PARD3: variants seen among roughly 807,000 people sequenced by gnomAD.
PARD3 encodes the protein partitioning defective 3 homolog.
In PARD3, 75 loss-of-function variants were observed where a neutral mutation model predicts 155.4. The observed-to-expected ratio is 0.48, with a 90% CI of 0.40 to 0.58. PARD3 has a LOEUF of 0.58. PARD3 is among the 20% of genes least tolerant of loss of function. The probability of loss-of-function intolerance (pLI) is 0.00; values close to 1 mark genes in which losing one functional copy is unlikely to be tolerated. For synonymous variants in PARD3, 576 were observed against 610.5 expected (o/e 0.94, Z 0.83); for missense variants, 1,642 against 1,721.7 (o/e 0.95, Z 0.82).
chr10:34,382,481 C>T, intron 9 of PARD3, 59 bp downstream of exon 9: 1 of 1,535,278 alleles, frequency 6.5e-7, no homozygotes, highest in Non-Finnish European at 8.8e-7. Flanking sequence ...CCATTTCTAC[C>T]CTTGTGTGTT....
intron 2 of PARD3, among the ~76,000 whole-genome samples, chr10:34,548,739 T>A (rs989398217): frequency 2.0e-5 from 3 of 151,854 alleles, no homozygotes; most frequent in Non-Finnish European, 1.5e-5. Flanking sequence ...AGGAACTAAA[T>A]AAAAGGGCCA....
intron 15 of PARD3, chr10:34,346,568 A>G (rs1288613739): frequency 3.1e-5 from 37 of 1,190,474 alleles, no homozygotes; most frequent in Non-Finnish European, 3.8e-5. Context: ...TAATTTAACA[A>G]AGATAAAGAT....
intron 2 of PARD3, among the ~76,000 whole-genome samples, chr10:34,645,135 G>C (rs1220302749): frequency 6.6e-6 from 1 of 152,106 alleles, no homozygotes; most frequent in African/African-American, 2.4e-5. Flanking sequence ...TTACAGGCAT[G>C]AGCCATCACA....
rs1047375686 is a variant in PARD3 at position 34,723,901 on chromosome 10, G to C, written c.121-27482C>G. Among the ~76,000 whole-genome samples, 4 of 152,298 alleles carry C rather than the reference G, an allele frequency of 2.6e-5. No homozygotes were observed. The South Asian group carries it at 8.3e-4, about 32-fold the overall frequency. On this transcript the variant is annotated intron_variant, in intron 1 of 24. Coordinates refer to ENST00000374788, the MANE Select transcript of PARD3 (RefSeq NM_001184785.2). The stretch of plus-strand genomic sequence containing the variant: ...AGTGGAAGGGTGCCGCAGGCTGGGA[G>C]CTGGGCTCCTTTCACTTTCCAGTTT...
chr10:34,776,551 ATTT>A (rs753285825), intron 1 of PARD3, among the ~76,000 whole-genome samples: 4 of 142,950 alleles, frequency 2.8e-5, no homozygotes, highest in South Asian at 2.3e-4. Flanking sequence ...TTCTTGAACA[ATTT>A]TTTTTTTTTT....
intron 22 of PARD3, among the ~76,000 whole-genome samples, chr10:34,257,525 G>C (rs984667657): frequency 6.6e-6 from 1 of 152,176 alleles, no homozygotes; most frequent in Non-Finnish European, 1.5e-5. Flanking sequence ...AGGAGATTTT[G>C]ATCATGGAAT....
At chr10:34,402,546 G>T (rs973891561) in intron 5 of PARD3, among the ~76,000 whole-genome samples, 1 of 152,122 alleles carries the variant, frequency 6.6e-6, no homozygotes, top group South Asian at 2.1e-4. Context: ...AGGTATTAAG[G>T]TCTTAGCCAT....
At chr10:34,192,845 G>A (rs1300055689) in intron 22 of PARD3, among the ~76,000 whole-genome samples, 1 of 152,166 alleles carries the variant, frequency 6.6e-6, no homozygotes, top group Non-Finnish European at 1.5e-5. Flanking sequence ...GATAGAAATA[G>A]TGATCCACAC....
chr10:34,789,658 AGCACCACTGCACTCT>A (rs1841408264), intron 1 of PARD3, among the ~76,000 whole-genome samples: 1 of 152,128 alleles, frequency 6.6e-6, no homozygotes, highest in Non-Finnish European at 1.5e-5. Flanking sequence ...GAGCTCTGAT[AGCACCACTGCACTCT>A]AACCTGGGCA....
chr10:34,352,567 C>T (rs1353200711), intron 14 of PARD3, among the ~76,000 whole-genome samples: 1 of 152,238 alleles, frequency 6.6e-6, no homozygotes, highest in African/African-American at 2.4e-5. Context: ...GGCTGGTCTC[C>T]AGCTCCTGAC....
intron 2 of PARD3, among the ~76,000 whole-genome samples, chr10:34,533,283 G>A (rs1342529115): frequency 6.6e-6 from 1 of 151,928 alleles, no homozygotes; most frequent in African/African-American, 2.4e-5. Flanking sequence ...AGAAGAGGGA[G>A]GAAGGGAAAA....
intron 1 of PARD3, among the ~76,000 whole-genome samples, chr10:34,757,604 G>A (rs761334935): frequency 6.6e-5 from 10 of 151,980 alleles, no homozygotes; most frequent in East Asian, 1.9e-4. Flanking sequence ...CCAGCTACTC[G>A]GGAGGCTGAG....
At chr10:34,471,806 G>A (rs555831909) in intron 3 of PARD3, among the ~76,000 whole-genome samples, 4 of 152,220 alleles carry the variant, frequency 2.6e-5, no homozygotes, top group East Asian at 1.9e-4. Flanking sequence ...TTATCCACCC[G>A]CCTCGGCCCC....
At chr10:34,774,798 T>C (rs188159976) in intron 1 of PARD3, among the ~76,000 whole-genome samples, 128 of 152,340 alleles carry the variant, frequency 8.4e-4, no homozygotes, top group African/African-American at 2.9e-3. Flanking sequence ...AAGTACTAAG[T>C]GACATCCAGA....
At chr10:34,658,952 A>C (rs1037102208) in intron 2 of PARD3, among the ~76,000 whole-genome samples, 1 of 152,260 alleles carries the variant, frequency 6.6e-6, no homozygotes, top group South Asian at 2.1e-4. Flanking sequence ...ATGTCACAGA[A>C]GACATGCTAA....
chr10:34,556,846 C>T (rs1233736840), intron 2 of PARD3, among the ~76,000 whole-genome samples: 4 of 152,138 alleles, frequency 2.6e-5, no homozygotes, highest in Non-Finnish European at 5.9e-5. Context: ...CTATGTTCTA[C>T]ACCCTCATTA....
intron 2 of PARD3, among the ~76,000 whole-genome samples, chr10:34,657,465 C>T (rs967238465): frequency 6.6e-6 from 1 of 152,172 alleles, no homozygotes; most frequent in Non-Finnish European, 1.5e-5. Flanking sequence ...CTGTGTCCTT[C>T]CCCAAAGCCA....
chr10:34,488,896 C>G (rs2079670097), intron 3 of PARD3: 1 of 152,758 alleles, frequency 6.5e-6, no homozygotes. Flanking sequence ...CTGTGGCCAC[C>G]TCTCCCTTCA....
At chr10:34,731,170 A>G (rs1345179369) in intron 1 of PARD3, among the ~76,000 whole-genome samples, 1 of 152,256 alleles carries the variant, frequency 6.6e-6, no homozygotes, top group African/African-American at 2.4e-5. Flanking sequence ...CAAATCAGAA[A>G]AAAAGTCAAA....
Sources: allele counts gnomAD v4.1 joint callset (sites outside exome capture counted in the v4.1 genomes callset), GRCh38; gene constraint gnomAD v4.1.1; transcripts MANE v1.5; gene names NCBI Gene and HGNC (gene_info 2026-07-23, HGNC 2026-07-21).